The following P3H2 variants were observed in gnomAD, a reference collection of about 807,000 sequenced individuals.
P3H2 encodes the protein prolyl 3-hydroxylase 2.
Under a neutral mutation model 87.0 loss-of-function variants are expected in P3H2, and 80 were observed. The ratio of observed to expected loss-of-function variants is 0.92; its 90% CI spans 0.77 to 1.11. P3H2 has a LOEUF of 1.11. Ranked by LOEUF, P3H2 falls within the 50% of genes least tolerant of loss-of-function variation. The probability of loss-of-function intolerance (pLI) is 0.00; values close to 1 mark genes in which losing one functional copy is unlikely to be tolerated. For missense variants in P3H2, 1,001 were observed against 923.9 expected (o/e 1.08, Z -1.08); for synonymous variants, 367 against 359.3 (o/e 1.02, Z -0.24).
In P3H2 at chr3:189,986,813, C is replaced by T. The variant is rs1437861339; in HGVS notation, c.1163G>A (p.Gly388Asp). Residue 388 changes from glycine (G) to aspartate (D), a missense_variant, in exon 6 of 15, where the codon GGT becomes GAT. By Grantham distance (94) the Gly-to-Asp change is moderately conservative. Coordinates refer to ENST00000319332, the MANE Select transcript of P3H2 (RefSeq NM_018192.4). ...CGGTTCAGTGTATGAAAACCCCAGA[C>T]CTTCTGCAGCTGATTTTATCAGCTC... ...ESELIKSAAE[G>D]LGFSYTEPNY... 3 of 1,611,814 alleles carry T rather than the reference C, an allele frequency of 1.9e-6. No individual in the cohort carries two copies. Among genetic ancestry groups the T allele is most frequent in the East Asian group, 2.2e-5 (1 of 44,842 alleles).
At chr3:190,012,526 T>G (rs1001170641) in intron 1 of P3H2, among the ~76,000 whole-genome samples, 1 of 152,194 alleles carries the variant, frequency 6.6e-6, no homozygotes, top group African/African-American at 2.4e-5. Context: ...TTTTCTAAAA[T>G]ACGGTCCTGA....
chr3:189,973,119 T>C (rs1723228776), intron 10 of P3H2, 95 bp from the exon 11 acceptor site: 1 of 1,142,502 alleles, frequency 8.8e-7, no homozygotes, highest in Non-Finnish European at 1.3e-6. Context: ...TATAGGATTG[T>C]CATGTCTGTA....
chr3:190,113,940 C>A (rs1437521372), intron 1 of P3H2, among the ~76,000 whole-genome samples: 2 of 151,114 alleles, frequency 1.3e-5, no homozygotes, highest in African/African-American at 4.9e-5. Context: ...ATTAGCCGGG[C>A]GTGGAGGCGG....
rs145863850 is a variant in P3H2 at position 190,032,350 on chromosome 3, A to G, written c.481-36908T>C. 9.9e-3 allele frequency among the ~76,000 whole-genome samples: 1,505 copies of G among 152,304 alleles called. 22 individuals carry two copies. Among genetic ancestry groups the G allele is most frequent in the African/African-American group, 0.033 (1,386 of 41,554 alleles). Reference sequence around the variant, plus strand: ...TATATGAATTGCCTTAGGAGCCTGAATATTTTCCAAATTCCATGTCTTAAA... The same window carrying G: ...TATATGAATTGCCTTAGGAGCCTGAGTATTTTCCAAATTCCATGTCTTAAA... On this transcript the variant is annotated intron_variant, in intron 1 of 14. Transcript: ENST00000319332.
intron 13 of P3H2, among the ~76,000 whole-genome samples, chr3:189,965,383 T>G (rs1722944389): frequency 6.6e-6 from 1 of 152,140 alleles, no homozygotes; most frequent in Non-Finnish European, 1.5e-5. Context: ...TGTGTTTATG[T>G]CTGTGTGAGT....
At chr3:190,075,661 G>C (rs1726848549) in intron 1 of P3H2, among the ~76,000 whole-genome samples, 1 of 152,074 alleles carries the variant, frequency 6.6e-6, no homozygotes, top group Non-Finnish European at 1.5e-5. Context: ...GAAAACAAAG[G>C]TGGGATTTGG....
chr3:189,964,465 G>A (rs546229610), intron 13 of P3H2, among the ~76,000 whole-genome samples: 9 of 152,338 alleles, frequency 5.9e-5, no homozygotes, highest in Admixed American at 4.6e-4. Context: ...ATACAAGGTA[G>A]GTGTCCATTC....
Position 189,970,938 on chromosome 3 carries a change from G to A in P3H2, c.1818-47C>T, listed in dbSNP as rs558217465. ...TATTTGTATTATTATATGCTTATGA[G>A]AGCATGGTCATAGAATACTGAAGAC... On this transcript the variant is annotated intron_variant, in intron 12 of 14. Transcript: ENST00000319332. 8 of 1,062,016 alleles carry A rather than the reference G, an allele frequency of 7.5e-6. No individual in the cohort carries two copies. In the East Asian group the frequency reaches 1.9e-4, roughly 25 times the overall value. 65.8% of individuals were successfully genotyped at this position (1,062,016 alleles called of 1,614,324 possible).
At chr3:189,961,203 A>G (rs1340457604) in intron 14 of P3H2, among the ~76,000 whole-genome samples, 1 of 152,188 alleles carries the variant, frequency 6.6e-6, no homozygotes, top group African/African-American at 2.4e-5. Flanking sequence ...GGCCTCCCCA[A>G]GTGCTAGGAT....
chr3:189,966,086 GAAA>G (rs1560338830), intron 13 of P3H2, among the ~76,000 whole-genome samples: 3 of 119,738 alleles, frequency 2.5e-5, no homozygotes, highest in African/African-American at 1.2e-4. Flanking sequence ...AAGAAAGGAA[GAAA>G]GAAAGAAAGA....
chr3:190,120,020 CT>C (rs1321974057), intron 1 of P3H2, among the ~76,000 whole-genome samples: 1 of 152,222 alleles, frequency 6.6e-6, no homozygotes, highest in African/African-American at 2.4e-5. Flanking sequence ...GGACAGTCCT[CT>C]TTTTGAGAGA....
chr3:190,120,945 C>G, upstream of P3H2: 1 of 632,040 alleles, frequency 1.6e-6, no homozygotes, highest in Non-Finnish European at 2.5e-6. Flanking sequence ...CCACAGCTCA[C>G]ACGCTCCTCC....
chr3:189,977,152 G>T (rs547486781), intron 8 of P3H2, among the ~76,000 whole-genome samples: 4 of 152,258 alleles, frequency 2.6e-5, no homozygotes, highest in African/African-American at 9.6e-5. Context: ...CATTCATACA[G>T]CTGTGCAATT....
At chr3:189,995,494 C>T in intron 1 of P3H2, 52 bp from the exon 2 acceptor site, 5 of 1,572,872 alleles carry the variant, frequency 3.2e-6, no homozygotes, top group South Asian at 1.1e-5. Context: ...CCAAATCACA[C>T]TCAGAGAAAT....
At chr3:189,981,296 A>G (rs1723526424) in intron 8 of P3H2, among the ~76,000 whole-genome samples, 1 of 152,212 alleles carries the variant, frequency 6.6e-6, no homozygotes, top group Non-Finnish European at 1.5e-5. Context: ...CTGAAATGCC[A>G]GTTGTGGGCT....
At chr3:189,991,522 T>C (rs2108921897) in intron 3 of P3H2, among the ~76,000 whole-genome samples, 1 of 152,390 alleles carries the variant, frequency 6.6e-6, no homozygotes, top group Admixed American at 6.5e-5. Context: ...CCCATTCATT[T>C]AACCAGTATT....
chr3:190,039,169 AC>A (rs1343782007), intron 1 of P3H2, among the ~76,000 whole-genome samples: 2 of 145,696 alleles, frequency 1.4e-5, no homozygotes, highest in East Asian at 4.1e-4. Context: ...AGCCTGGACA[AC>A]AAAAGCGAAA....
chr3:190,072,491 T>C (rs1726735815), intron 1 of P3H2, among the ~76,000 whole-genome samples: 1 of 152,196 alleles, frequency 6.6e-6, no homozygotes, highest in Non-Finnish European at 1.5e-5. Context: ...ATATATCAAA[T>C]ATATTAAAGT....
chr3:189,976,299 A>T (rs710549), intron 8 of P3H2, among the ~76,000 whole-genome samples: 115,293 of 152,114 alleles, frequency 0.76, 44,352 homozygotes, highest in East Asian at 0.93. Flanking sequence ...TGAGACTGGG[A>T]AATTATAAAG....
Sources: gnomAD v4.1 joint callset for allele counts (sites outside exome capture counted in the v4.1 genomes callset) on GRCh38, gnomAD v4.1.1 for gene constraint, MANE v1.5 for transcripts, NCBI Gene and HGNC (gene_info 2026-07-23, HGNC 2026-07-21) for gene names.